Variants in BRD1 observed in about 807,000 individuals in gnomAD.
The protein encoded by BRD1 is bromodomain-containing protein 1.
BRD1 carries 24 observed loss-of-function variants against 107.7 expected under a neutral mutation model. The ratio of observed to expected loss-of-function variants is 0.22; its 90% CI spans 0.16 to 0.31. BRD1 has a LOEUF of 0.31. Ranked by LOEUF, BRD1 falls within the 10% of genes least tolerant of loss-of-function variation. The pLI is 1.00. For synonymous variants in BRD1, 744 were observed against 686.1 expected, an observed-to-expected ratio of 1.08 and a Z score of -1.32; for missense variants, 1,279 against 1,638.6, an observed-to-expected ratio of 0.78 and a Z score of 3.79.
At position 49,774,383 on chromosome 22, in the gene BRD1, A is replaced by T; in HGVS notation, c.3420T>A (p.Leu1140=). Residue 1140 remains leucine, a synonymous_variant, in exon 13 of 13, where the codon CTT becomes CTA. Transcript: ENST00000404760. ...QWLPKSKMVP[L]GIDETIDKLK... is the part of the protein sequence containing the mutation. ...ACTTGTCTATAGTTTCGTCAATACC[A>T]AGGGGAACCATTTTGGACTTAGGAA... 6.2e-7 allele frequency: 1 copy of T among 1,612,254 alleles called. No homozygotes were observed. The highest frequency in any genetic ancestry group is 8.5e-7 in the Non-Finnish European group (1 of 1,179,170).
In BRD1 at chr22:49,824,940, T is replaced by G; in HGVS notation, c.-14-609A>C. 2.3e-6 allele frequency: 1 copy of G among 437,414 alleles called. No homozygotes were observed. Among genetic ancestry groups the G allele is most frequent in the Non-Finnish European group, 3.1e-6 (1 of 326,024 alleles). 27.1% of individuals were successfully genotyped at this position (437,414 alleles called of 1,614,324 possible). ...CAGATCACAGCCTGTCCATCCTCTA[T>G]AGACAGGCCCTCCACACGCACAACA... On this transcript the variant is annotated intron_variant, in intron 1 of 12. Transcript: ENST00000404760. This position sits in a 1 kb window ranked among gnomAD's most constrained non-coding sequence, Gnocchi z 5.9.
At chr22:49,781,367 C>G (rs941638068) in intron 8 of BRD1, among the ~76,000 whole-genome samples, 1 of 152,234 alleles carries the variant, frequency 6.6e-6, no homozygotes, top group Non-Finnish European at 1.5e-5. Context: ...TGAGACACCG[C>G]CCCTCCCCAC....
Position 49,803,936 on chromosome 22 carries a change from T to C in BRD1, c.1524+268A>G, listed in dbSNP as rs1474933113. 6.6e-6 allele frequency among the ~76,000 whole-genome samples: 1 copy of C among 152,114 alleles called. No individual in the cohort carries two copies. The highest frequency in any genetic ancestry group is 1.5e-5 in the Non-Finnish European group (1 of 68,022). On this transcript the variant is annotated intron_variant, in intron 3 of 12. Coordinates refer to ENST00000404760, the MANE Select transcript of BRD1 (RefSeq NM_001304808.3). The surrounding 1 kb of genome is among the most constrained non-coding windows in gnomAD (Gnocchi z 4.4). ...GCTGGCCACTGCCCATCAGCGTGTG[T>C]GCGGGCAGGGCAGGGCGGGGGAGCG...
At chr22:49,808,609 G>A (rs532541776) in intron 2 of BRD1, among the ~76,000 whole-genome samples, 2 of 152,268 alleles carry the variant, frequency 1.3e-5, no homozygotes, top group African/African-American at 2.4e-5. Context: ...GGTGATGGCT[G>A]CACAGCAACA....
rs1006796026 is a variant in BRD1 at position 49,783,945 on chromosome 22, G to GA, written c.2857+3444dup. On this transcript the variant is annotated intron_variant, in intron 8 of 12. Coordinates refer to ENST00000404760, the MANE Select transcript of BRD1 (RefSeq NM_001304808.3). This position sits in a 1 kb window ranked among gnomAD's most constrained non-coding sequence, Gnocchi z 4.2. ...AGAAAATGATTAGGGTCCAAAGAGT[G>GA]AACTACCCAGCACATTAGTGGTTAA... Among the ~76,000 whole-genome samples the GA allele has an allele frequency of 8.5e-5, 13 of 152,314 alleles. No homozygotes were observed. Among genetic ancestry groups the GA allele is most frequent in the Middle Eastern group, 3.4e-3 (1 of 294 alleles).
chr22:49,777,629 G>A, intron 9 of BRD1, 49 bp downstream of exon 9: 2 of 1,579,998 alleles, frequency 1.3e-6, no homozygotes, highest in South Asian at 1.1e-5. Context: ...AGGCGGGGCG[G>A]GCGGTGCTGG....
chr22:49,827,274 G>A (rs1187974969), intron 1 of BRD1, among the ~76,000 whole-genome samples: 1 of 145,130 alleles, frequency 6.9e-6, no homozygotes, highest in Non-Finnish European at 1.5e-5. Flanking sequence ...CTTCCCGCCC[G>A]TCTCCCCGGC....
At chr22:49,815,617 T>C (rs1360703937) in intron 2 of BRD1, among the ~76,000 whole-genome samples, 1 of 151,946 alleles carries the variant, frequency 6.6e-6, no homozygotes. Flanking sequence ...CCCTCCTGCC[T>C]GTCAGCCTGC....
rs2285188 is a variant in BRD1 at position 49,801,072 on chromosome 22, C to T, written c.1525-1953G>A. Among the ~76,000 whole-genome samples the T allele has an allele frequency of 1.7e-3, 254 of 152,360 alleles. 9 individuals carry two copies. In the East Asian group the frequency reaches 0.04, roughly 24 times the overall value. ...GCGTGGGACTGGCAGAGGCCACACACGCAGCACAGCAAGGACGATGTGGGC... is the reference window on the plus strand; with the variant it reads ...GCGTGGGACTGGCAGAGGCCACACATGCAGCACAGCAAGGACGATGTGGGC... On this transcript the variant is annotated intron_variant, in intron 3 of 12. Transcript: ENST00000404760.
At chr22:49,801,037 G>A (rs1290699915) in intron 3 of BRD1, among the ~76,000 whole-genome samples, 3 of 152,230 alleles carry the variant, frequency 2.0e-5, no homozygotes, top group Non-Finnish European at 2.9e-5. Flanking sequence ...GCCCAATGCC[G>A]CCAGCAGGTG....
chr22:49,821,640 T>C (rs188575032), intron 2 of BRD1, among the ~76,000 whole-genome samples: 38 of 152,102 alleles, frequency 2.5e-4, no homozygotes, highest in African/African-American at 8.4e-4. Context: ...TTTCACTCTG[T>C]CACGCAGGCT....
At chr22:49,781,575 G>C (rs141546639) in intron 8 of BRD1, among the ~76,000 whole-genome samples, 1 of 152,230 alleles carries the variant, frequency 6.6e-6, no homozygotes, top group Non-Finnish European at 1.5e-5. Context: ...CCATGGGAAC[G>C]CAACCCCACA....
chr22:49,789,707 C>T (rs1407717453), intron 7 of BRD1, among the ~76,000 whole-genome samples: 1 of 152,210 alleles, frequency 6.6e-6, no homozygotes, highest in Non-Finnish European at 1.5e-5. Context: ...ACCTTCTCCA[C>T]AGCTATCTAA....
At chr22:49,789,499 C>A (rs78233358) in intron 7 of BRD1, among the ~76,000 whole-genome samples, 4 of 150,822 alleles carry the variant, frequency 2.7e-5, no homozygotes, top group Non-Finnish European at 5.9e-5. Flanking sequence ...CTCCCCCCCC[C>A]GCCCCGAGCT....
At chr22:49,822,672 T>C (rs1468370119) in intron 2 of BRD1, among the ~76,000 whole-genome samples, 3 of 151,940 alleles carry the variant, frequency 2.0e-5, no homozygotes, top group Non-Finnish European at 4.4e-5. Context: ...ATTGCGCCAC[T>C]ATACTCCAGC....
chr22:49,784,640 G>A (rs6009874), intron 8 of BRD1, among the ~76,000 whole-genome samples: 12,771 of 152,306 alleles, frequency 0.084, 1,067 homozygotes, highest in African/African-American at 0.21. Context: ...CTAAAGTTCA[G>A]AGCACACAGA....
intron 2 of BRD1, chr22:49,818,337 GA>G (rs1262928592): frequency 7.9e-7 from 1 of 1,269,918 alleles, no homozygotes; most frequent in African/African-American, 1.5e-5. Context: ...TCTGCCTGCT[GA>G]TCACAGTCTC....
chr22:49,796,096 C>T (rs929633854), intron 6 of BRD1, among the ~76,000 whole-genome samples: 5 of 144,498 alleles, frequency 3.5e-5, no homozygotes, highest in Admixed American at 6.9e-5. Flanking sequence ...ATTGTGTTTT[C>T]TTTTTTTTTT....
intron 2 of BRD1, chr22:49,818,091 A>C: frequency 4.1e-6 from 2 of 483,108 alleles, no homozygotes. Flanking sequence ...GCTGACCAAG[A>C]CCAGTTCATC....
Sources: gnomAD v4.1 joint callset for allele counts (sites outside exome capture counted in the v4.1 genomes callset) on GRCh38, gnomAD v4.1.1 for gene constraint, Gnocchi (gnomAD v3.1) non-coding constraint, MANE v1.5 for transcripts, NCBI Gene and HGNC (gene_info 2026-07-23, HGNC 2026-07-21) for gene names.